The following FOXJ3 variants were observed in gnomAD, a reference collection of about 807,000 sequenced individuals.
FOXJ3 encodes the protein forkhead box J3, also known as forkhead box protein J3.
In FOXJ3, 22 loss-of-function variants were observed where a neutral mutation model predicts 76.1. The ratio of observed to expected loss-of-function variants is 0.29; its 90% CI spans 0.21 to 0.41. The LOEUF (loss-of-function observed/expected upper bound fraction) is 0.41, where lower values mean the gene tolerates loss of function less well. Ranked by LOEUF, FOXJ3 falls within the 10% of genes least tolerant of loss-of-function variation. The probability of loss-of-function intolerance (pLI) is 1.00; values close to 1 mark genes in which losing one functional copy is unlikely to be tolerated. For missense variants in FOXJ3, 613 were observed against 762.1 expected, an observed-to-expected ratio of 0.80 and a Z score of 2.30; for synonymous variants, 269 against 261.2, an observed-to-expected ratio of 1.03 and a Z score of -0.29.
chr1:42,238,409 T>C (rs989953373), intron 4 of FOXJ3, among the ~76,000 whole-genome samples: 1 of 152,198 alleles, frequency 6.6e-6, no homozygotes, highest in African/African-American at 2.4e-5. Flanking sequence ...ACAACTTTGG[T>C]TCCCCACCAC....
At chr1:42,289,607 T>C (rs1653286896) in intron 2 of FOXJ3, among the ~76,000 whole-genome samples, 1 of 152,190 alleles carries the variant, frequency 6.6e-6, no homozygotes, top group African/African-American at 2.4e-5. Context: ...TCTTCCCTGC[T>C]CATGCACATG....
chr1:42,317,607 T>C (rs905368371), intron 1 of FOXJ3, among the ~76,000 whole-genome samples: 2 of 149,842 alleles, frequency 1.3e-5, no homozygotes, highest in African/African-American at 4.9e-5. Context: ...TCAGTGTAGA[T>C]CAAGAAGGAT....
intron 1 of FOXJ3, among the ~76,000 whole-genome samples, chr1:42,317,848 T>C (rs1655211898): frequency 6.6e-6 from 1 of 152,182 alleles, no homozygotes; most frequent in Non-Finnish European, 1.5e-5. Context: ...AGAATTTTCA[T>C]CACATTATCT....
Position 42,256,725 on chromosome 1 carries a change from T to C in FOXJ3, c.444+8390A>G, listed in dbSNP as rs78679628. On this transcript the variant is annotated intron_variant, in intron 4 of 12. Coordinates refer to ENST00000361346, the MANE Select transcript of FOXJ3 (RefSeq NM_014947.5). ...TCTGCCCTCTGACCCAGTAATTCTA[T>C]CCTTCAGGAAAAATGAAAGCATGTC... Among the ~76,000 whole-genome samples the C allele has an allele frequency of 5.5e-3, 835 of 152,316 alleles. 14 individuals carry two copies. Among genetic ancestry groups the C allele is most frequent in the African/African-American group, 0.019 (809 of 41,568 alleles).
In FOXJ3 at chr1:42,222,095, A is replaced by AGAAGAAGAAGAG. The variant is rs1569928036; in HGVS notation, c.528+5787_528+5788insCTCTTCTTCTTC. Among the ~76,000 whole-genome samples the AGAAGAAGAAGAG allele has an allele frequency of 3.4e-5, 5 of 146,750 alleles. No individual in the cohort carries two copies. In the East Asian group the frequency reaches 1.1e-3, roughly 32 times the overall value. On this transcript the variant is annotated intron_variant, in intron 5 of 12. Transcript: ENST00000361346. ...AAGAAGAAGAAGAAGAAGAAGAAGA[A>AGAAGAAGAAGAG]GAAGAAGAAGAAGAAATAAAAAGTT...
chr1:42,186,090 C>T (rs904130581), intron 11 of FOXJ3, among the ~76,000 whole-genome samples: 8 of 152,040 alleles, frequency 5.3e-5, no homozygotes. Flanking sequence ...GACTATACTT[C>T]TAAGAAATTA....
At chr1:42,244,000 A>T (rs1649348629) in intron 4 of FOXJ3, among the ~76,000 whole-genome samples, 1 of 152,186 alleles carries the variant, frequency 6.6e-6, no homozygotes, top group Non-Finnish European at 1.5e-5. Context: ...TAAAACTAGA[A>T]AGCAACAACA....
At chr1:42,324,675 T>C (rs1655723673) in intron 1 of FOXJ3, among the ~76,000 whole-genome samples, 1 of 152,140 alleles carries the variant, frequency 6.6e-6, no homozygotes, top group African/African-American at 2.4e-5. Flanking sequence ...GAATGGCATG[T>C]TACTGCACTG....
intron 7 of FOXJ3, among the ~76,000 whole-genome samples, chr1:42,198,820 T>A (rs1301198026): frequency 6.6e-6 from 1 of 152,140 alleles, no homozygotes; most frequent in Non-Finnish European, 1.5e-5. Flanking sequence ...TAAAGTGCAA[T>A]TTTTTTCCTG....
At chr1:42,232,649 T>C (rs1648251643) in intron 4 of FOXJ3, among the ~76,000 whole-genome samples, 1 of 152,046 alleles carries the variant, frequency 6.6e-6, no homozygotes, top group Non-Finnish European at 1.5e-5. Flanking sequence ...GGGGCTGTTT[T>C]TTTCTTGTAA....
intron 11 of FOXJ3, among the ~76,000 whole-genome samples, chr1:42,185,990 T>C (rs747017480): frequency 9.9e-5 from 15 of 152,098 alleles, no homozygotes; most frequent in Non-Finnish European, 1.8e-4. Context: ...TTTTACAACA[T>C]TGGGTAAGTC....
At chr1:42,255,397 A>ATAAAATAGAATCCTATAAAC (rs1650502606) in intron 4 of FOXJ3, among the ~76,000 whole-genome samples, 1 of 152,220 alleles carries the variant, frequency 6.6e-6, no homozygotes, top group Non-Finnish European at 1.5e-5. Context: ...AACAGACGAA[A>ATAAAATAGAATCCTATAAAC]TAAAATAGAA....
intron 2 of FOXJ3, among the ~76,000 whole-genome samples, chr1:42,310,075 C>A (rs1222558589): frequency 6.6e-6 from 1 of 151,458 alleles, no homozygotes; most frequent in African/African-American, 2.4e-5. Context: ...TATCTTCAGT[C>A]TTATTTAATA....
intron 3 of FOXJ3, among the ~76,000 whole-genome samples, chr1:42,271,658 T>A (rs1355535842): frequency 6.6e-6 from 1 of 152,188 alleles, no homozygotes; most frequent in African/African-American, 2.4e-5. Context: ...TTTTTTATTT[T>A]ATTCTTTTGG....
intron 1 of FOXJ3, among the ~76,000 whole-genome samples, chr1:42,330,442 A>G (rs1389447714): frequency 6.6e-6 from 1 of 152,206 alleles, no homozygotes; most frequent in Non-Finnish European, 1.5e-5. Flanking sequence ...GTTAGCGACC[A>G]GCCTGGGCAA....
intron 1 of FOXJ3, among the ~76,000 whole-genome samples, chr1:42,324,111 C>CACAGTGTATATACAGTATATAT (rs1557725951): frequency 3.6e-5 from 1 of 27,510 alleles, no homozygotes; most frequent in Non-Finnish European, 6.9e-5. Flanking sequence ...TGTGTATATA[C>CACAGTGTATATACAGTATATAT]ACTGTATATA....
chr1:42,181,865 T>TCTCACA lies in FOXJ3; in HGVS notation c.1753+51_1753+52insTGTGAG, dbSNP rs545263830. 5 of 964,496 alleles carry TCTCACA rather than the reference T, an allele frequency of 5.2e-6. No homozygotes were observed. The African/African-American group carries it at 8.4e-5, about 16-fold the overall frequency. 59.7% of individuals were successfully genotyped at this position (964,496 alleles called of 1,614,324 possible). On this transcript the variant is annotated intron_variant, in intron 12 of 12. Coordinates refer to ENST00000361346, the MANE Select transcript of FOXJ3 (RefSeq NM_014947.5). ...CCTGCCATCGTTGTTCCTGGAGTGC[T>TCTCACA]CACACACACACACACACACACACAC...
At chr1:42,229,769 A>C (rs1205565333) in intron 4 of FOXJ3, among the ~76,000 whole-genome samples, 1 of 152,248 alleles carries the variant, frequency 6.6e-6, no homozygotes, top group Non-Finnish European at 1.5e-5. Flanking sequence ...AGCAAGTTTC[A>C]GAATAAATGC....
At chr1:42,274,136 G>T (rs964103785) in intron 3 of FOXJ3, among the ~76,000 whole-genome samples, 2 of 152,100 alleles carry the variant, frequency 1.3e-5, no homozygotes, top group Non-Finnish European at 2.9e-5. Flanking sequence ...TTGCCACACA[G>T]GTTTATCAAA....
Sources: gnomAD v4.1 joint callset for allele counts (sites outside exome capture counted in the v4.1 genomes callset) on GRCh38, gnomAD v4.1.1 for gene constraint, MANE v1.5 for transcripts, NCBI Gene and HGNC (gene_info 2026-07-23, HGNC 2026-07-21) for gene names.